The following KCNT2 variants were observed in gnomAD, a reference collection of about 807,000 sequenced individuals.
KCNT2 encodes potassium sodium-activated channel subfamily T member 2, also known as potassium channel subfamily T member 2.
KCNT2 carries 67 observed loss-of-function variants against 153.8 expected under a neutral mutation model. The ratio of observed to expected loss-of-function variants is 0.44; its 90% CI spans 0.36 to 0.53. KCNT2 has a LOEUF of 0.53. KCNT2 is among the 20% of genes least tolerant of loss of function. The probability of loss-of-function intolerance (pLI) is 0.00; values close to 1 mark genes in which losing one functional copy is unlikely to be tolerated. For missense variants in KCNT2, 975 were observed against 1,354.8 expected, an observed-to-expected ratio of 0.72 and a Z score of 4.40; for synonymous variants, 500 against 458.8, an observed-to-expected ratio of 1.09 and a Z score of -1.15.
chr1:196,437,555 A>T (rs189279440), intron 8 of KCNT2, among the ~76,000 whole-genome samples: 104 of 149,860 alleles, frequency 6.9e-4, no homozygotes, highest in African/African-American at 2.5e-3. Flanking sequence ...ATGTCACACC[A>T]TGTTCTATTT....
At chr1:196,389,323 T>A (rs1670272337) in intron 13 of KCNT2, among the ~76,000 whole-genome samples, 1 of 151,720 alleles carries the variant, frequency 6.6e-6, no homozygotes, top group Non-Finnish European at 1.5e-5. Flanking sequence ...GGCTTTGGCC[T>A]AATCAAATAA....
In KCNT2 at chr1:196,282,340, T is replaced by C. The variant is rs562351773; in HGVS notation, c.2714A>G (p.Tyr905Cys). ...TLLYQSFVKD[Y>C]MISITRLLLG... Reference sequence around the variant, plus strand: ...CAGAAGTCTCGTGATAGAAATCATATAATCCTTCACAAATGACTGCAATAT... The same window carrying C: ...CAGAAGTCTCGTGATAGAAATCATACAATCCTTCACAAATGACTGCAATAT... Residue 905 changes from tyrosine (Y) to cysteine (C), a missense_variant, in exon 24 of 28, where the codon TAT (tyrosine) becomes TGT (cysteine). By Grantham distance (194) the Tyr-to-Cys change is radical. This residue lies in a region of KCNT2 where 66 missense variants were observed against 147.9 expected (regional missense o/e 0.45). Transcript: ENST00000294725. 7.6e-6 allele frequency: 12 copies of C among 1,581,776 alleles called. No homozygotes were observed. In the Admixed American group the frequency reaches 1.5e-4, roughly 20 times the overall value.
At chr1:196,451,217 C>CTATTTTTTTTTTTTTTT in intron 8 of KCNT2, among the ~76,000 whole-genome samples, 1 of 63,550 alleles carries the variant, frequency 1.6e-5, no homozygotes, top group African/African-American at 4.7e-5. Context: ...ATCCCTCTTT[C>CTATTTTTTTTTTTTTTT]TTTTTTTTTT....
Position 196,253,786 on chromosome 1 carries a change from A to T in KCNT2, c.3211+4408T>A, listed in dbSNP as rs922787196. 8.2e-4 allele frequency among the ~76,000 whole-genome samples: 125 copies of T among 151,606 alleles called. 1 individual carries two copies. Among genetic ancestry groups the T allele is most frequent in the African/African-American group, 2.9e-3 (121 of 41,498 alleles). On this transcript the variant is annotated intron_variant, in intron 26 of 27. Transcript: ENST00000294725. The stretch of plus-strand genomic sequence containing the variant: ...TTCTTTTGTTGACTATTTATACTCA[A>T]CCACTCAACCCATAATAAACTGTTA...
intron 12 of KCNT2, among the ~76,000 whole-genome samples, chr1:196,413,515 G>T (rs1311615247): frequency 1.3e-5 from 2 of 151,524 alleles, no homozygotes; most frequent in East Asian, 3.9e-4. Flanking sequence ...CAAGATTTTT[G>T]CAGATAACTA....
chr1:196,354,097 A>G (rs751480741), intron 14 of KCNT2, among the ~76,000 whole-genome samples: 6 of 151,884 alleles, frequency 4.0e-5, no homozygotes, highest in Non-Finnish European at 8.8e-5. Flanking sequence ...GATGTTAGAA[A>G]GTAGAATTTA....
chr1:196,445,085 T>C (rs897891477), intron 8 of KCNT2, among the ~76,000 whole-genome samples: 2 of 151,416 alleles, frequency 1.3e-5, no homozygotes, highest in African/African-American at 2.4e-5. Flanking sequence ...AAAAGTAAAG[T>C]GTATATCCAA....
intron 25 of KCNT2, among the ~76,000 whole-genome samples, chr1:196,269,986 C>T (rs1231471686): frequency 3.9e-5 from 6 of 151,972 alleles, no homozygotes; most frequent in Admixed American, 3.3e-4. Context: ...TCATATGACT[C>T]CATTTATGTC....
At chr1:196,395,101 G>A (rs1670818427) in intron 13 of KCNT2, among the ~76,000 whole-genome samples, 1 of 150,254 alleles carries the variant, frequency 6.7e-6, no homozygotes, top group South Asian at 2.1e-4. Context: ...ATCTATTTCT[G>A]GAATAATTTC....
At chr1:196,424,576 A>T (rs1257480664) in intron 11 of KCNT2, among the ~76,000 whole-genome samples, 1 of 151,960 alleles carries the variant, frequency 6.6e-6, no homozygotes, top group Non-Finnish European at 1.5e-5. Flanking sequence ...CCACAAATAT[A>T]AAGTATTTAA....
chr1:196,240,441 G>T (rs990999859), intron 26 of KCNT2, among the ~76,000 whole-genome samples: 1 of 151,804 alleles, frequency 6.6e-6, no homozygotes, highest in African/African-American at 2.4e-5. Flanking sequence ...TATAGTTCTT[G>T]TACTTAGTAT....
chr1:196,398,650 C>T lies in KCNT2; in HGVS notation c.1207G>A (p.Ala403Thr). The T allele has an allele frequency of 6.2e-7, 1 of 1,602,450 alleles. No homozygotes were observed. Among genetic ancestry groups the T allele is most frequent in the Non-Finnish European group, 8.5e-7 (1 of 1,170,918 alleles). Reference sequence around the variant, plus strand: ...GGAGCAAAATCTTTCACAGCCCATGCTCTCAAAATTGTTTGGTGATCCTGA... The same window carrying T: ...GGAGCAAAATCTTTCACAGCCCATGTTCTCAAAATTGTTTGGTGATCCTGA... ...TSSDHQTILR[A>T]WAVKDFAPNC... The change falls in exon 13 of 28, where the codon GCA becomes ACA. Residue 403 changes from alanine (A) to threonine (T), a missense_variant. Physicochemically the swap from Ala to Thr is moderately conservative, Grantham distance 58. This residue lies in a region of KCNT2 where 202 missense variants were observed against 314.9 expected (regional missense o/e 0.64). Transcript: ENST00000294725.
intron 23 of KCNT2, among the ~76,000 whole-genome samples, chr1:196,284,315 A>G (rs1175690908): frequency 8.0e-6 from 1 of 125,740 alleles, no homozygotes; most frequent in East Asian, 2.5e-4. Context: ...GTTTCAGAAA[A>G]TCATGCAATT....
intron 13 of KCNT2, among the ~76,000 whole-genome samples, chr1:196,388,495 C>T (rs1670194029): frequency 6.6e-6 from 1 of 151,564 alleles, no homozygotes; most frequent in Non-Finnish European, 1.5e-5. Flanking sequence ...ATATAATTAA[C>T]ATGTTAAAAT....
rs183410026 is a variant in KCNT2, at chr1:196,474,412, G to T, written c.384+4767C>A. ...TTTAAAATAGTGTCGTAACGCTATGGCAGTCTTTGTATTTCTACATATAAA... is the reference window on the plus strand; with the variant it reads ...TTTAAAATAGTGTCGTAACGCTATGTCAGTCTTTGTATTTCTACATATAAA... On this transcript the variant is annotated intron_variant, in intron 5 of 27. Coordinates refer to ENST00000294725, the MANE Select transcript of KCNT2 (RefSeq NM_198503.5). 4.5e-3 allele frequency among the ~76,000 whole-genome samples: 687 copies of T among 152,214 alleles called. 2 individuals carry two copies. Among genetic ancestry groups the T allele is most frequent in the Middle Eastern group, 0.044 (13 of 294 alleles).
intron 22 of KCNT2, among the ~76,000 whole-genome samples, chr1:196,302,505 T>G (rs1325619931): frequency 6.6e-6 from 1 of 152,170 alleles, no homozygotes; most frequent in Non-Finnish European, 1.5e-5. Flanking sequence ...CTGAGGACTG[T>G]AAATGAAAGA....
chr1:196,507,040 A>G (rs1239168003), intron 1 of KCNT2, among the ~76,000 whole-genome samples: 1 of 152,088 alleles, frequency 6.6e-6, no homozygotes, highest in African/African-American at 2.4e-5. Flanking sequence ...TGAGTAAATA[A>G]TAAATTTATT....
chr1:196,359,818 C>T (rs190009908), intron 14 of KCNT2, among the ~76,000 whole-genome samples: 1 of 151,670 alleles, frequency 6.6e-6, no homozygotes, highest in East Asian at 1.9e-4. Context: ...AAGGCGGAAA[C>T]CACAAAGTAT....
intron 13 of KCNT2, among the ~76,000 whole-genome samples, chr1:196,383,082 T>A (rs1572243614): frequency 6.6e-6 from 1 of 152,226 alleles, no homozygotes; most frequent in East Asian, 1.9e-4. Context: ...GGAGTTCAGG[T>A]TCCTTAGAGA....
Sources: allele counts gnomAD v4.1 joint callset (sites outside exome capture counted in the v4.1 genomes callset), GRCh38; gene constraint gnomAD v4.1.1; regional missense constraint gnomAD v4.1.1; transcripts MANE v1.5; gene names NCBI Gene and HGNC (gene_info 2026-07-23, HGNC 2026-07-21).